The following RMND5A variants were observed in gnomAD, a reference collection of about 807,000 sequenced individuals.
RMND5A encodes the protein required for meiotic nuclear division 5 homolog A.
RMND5A carries 17 observed loss-of-function variants against 49.7 expected under a neutral mutation model. The ratio of observed to expected loss-of-function variants is 0.34; its 90% CI spans 0.23 to 0.51. The LOEUF (loss-of-function observed/expected upper bound fraction) is 0.51. Ranked by LOEUF, RMND5A falls within the 20% of genes least tolerant of loss-of-function variation. RMND5A has a pLI of 0.96. For synonymous variants in RMND5A, 156 were observed against 167.7 expected (o/e 0.93, Z 0.54); for missense variants, 255 against 471.3 (o/e 0.54, Z 4.25).
intron 1 of RMND5A, among the ~76,000 whole-genome samples, chr2:86,723,875 C>G (rs1331442568): frequency 6.7e-6 from 1 of 149,404 alleles, no homozygotes; most frequent in Admixed American, 6.7e-5. Context: ...CCTAAAATTT[C>G]TCAGGTGGTC....
chr2:86,749,478 C>T (rs2104395398), intron 2 of RMND5A, among the ~76,000 whole-genome samples: 1 of 152,036 alleles, frequency 6.6e-6, no homozygotes, highest in East Asian at 1.9e-4. Context: ...CAACCTCTGC[C>T]TCCCTGGGTT....
rs1228003357 is a variant in RMND5A at position 86,726,614 on chromosome 2, A to G, written c.142+5805A>G. On this transcript the variant is annotated intron_variant, in intron 1 of 8. Transcript: ENST00000283632. ...AGGCCATTTTAGGTGGTAAGAATAA[A>G]AAGTCAGTATATTGGTGTTTCCAGT... Among the ~76,000 whole-genome samples the G allele has an allele frequency of 6.5e-5, 5 of 76,608 alleles. 2 individuals are homozygous for G. The highest frequency in any genetic ancestry group is 1.3e-4 in the Non-Finnish European group (5 of 37,614). 50.3% of individuals were successfully genotyped at this position (76,608 alleles called of 152,430 possible). A position where few individuals can be genotyped will look rare whatever the true frequency, so the allele number is the denominator to read the frequency against.
In RMND5A at chr2:86,748,796, G is replaced by C. The variant is rs989277762; in HGVS notation, c.286-3100G>C. Among the ~76,000 whole-genome samples the C allele has an allele frequency of 1.3e-5, 2 of 152,110 alleles. 1 individual carries two copies. The highest frequency in any genetic ancestry group is 4.2e-4 in the South Asian group (2 of 4,818). Reference sequence around the variant, plus strand: ...ATTGTTTCAACATGATCTGTGCTTTGAGCTGACCAGCGTGTCTTCCAGCGT... The same window carrying C: ...ATTGTTTCAACATGATCTGTGCTTTCAGCTGACCAGCGTGTCTTCCAGCGT... On this transcript the variant is annotated intron_variant, in intron 2 of 8. Transcript: ENST00000283632.
intron 4 of RMND5A, among the ~76,000 whole-genome samples, chr2:86,758,159 GGCA>G (rs1681777891): frequency 1.2e-5 from 1 of 83,434 alleles, no homozygotes; most frequent in Non-Finnish European, 2.6e-5. Flanking sequence ...AAAATCAAAA[GGCA>G]CAACAAGATA....
At position 86,721,699 on chromosome 2, in the gene RMND5A, T is replaced by C. The variant is rs148311361; in HGVS notation, c.142+890T>C. On this transcript the variant is annotated intron_variant, in intron 1 of 8. Coordinates refer to ENST00000283632, the MANE Select transcript of RMND5A (RefSeq NM_022780.4). ...TTAGAAGTCACAGCGATGATTCCTTTTGATCAAGAAGTGAAGGACTTATTT... is the reference window on the plus strand; with the variant it reads ...TTAGAAGTCACAGCGATGATTCCTTCTGATCAAGAAGTGAAGGACTTATTT... 7.8e-3 allele frequency among the ~76,000 whole-genome samples: 1,183 copies of C among 151,848 alleles called. 43 individuals carry two copies. The highest frequency in any genetic ancestry group is 0.027 in the African/African-American group (1,108 of 41,188).
intron 8 of RMND5A, among the ~76,000 whole-genome samples, chr2:86,772,059 C>T (rs1431612116): frequency 6.6e-5 from 10 of 152,102 alleles, no homozygotes; most frequent in Admixed American, 6.5e-4. Flanking sequence ...AGAAACAGCC[C>T]TCATTATTTT....
intron 1 of RMND5A, among the ~76,000 whole-genome samples, chr2:86,734,415 G>A (rs1681381789): frequency 6.7e-6 from 1 of 148,782 alleles, no homozygotes; most frequent in Admixed American, 6.6e-5. Context: ...TAAATTCTAG[G>A]TGACCTCTTT....
intron 4 of RMND5A, among the ~76,000 whole-genome samples, chr2:86,756,518 A>C (rs1681742329): frequency 6.6e-6 from 1 of 152,174 alleles, no homozygotes; most frequent in South Asian, 2.1e-4. Flanking sequence ...CACATTTAAA[A>C]CCCATAAAAT....
At chr2:86,720,834 G>A in intron 1 of RMND5A, 25 bp downstream of exon 1, 2 of 1,559,174 alleles carry the variant, frequency 1.3e-6, no homozygotes, top group South Asian at 1.2e-5. Flanking sequence ...GTGGGCGCGC[G>A]GGGCATGGCC....
At chr2:86,753,390 T>A in intron 3 of RMND5A, 68 bp from the exon 4 acceptor site, 1 of 902,224 alleles carries the variant, frequency 1.1e-6, no homozygotes. Flanking sequence ...ATCTAGAATA[T>A]ACTTTTACCA....
intron 8 of RMND5A, among the ~76,000 whole-genome samples, chr2:86,772,894 G>GGCTGTACTGATCAACAA (rs1201664914): frequency 2.6e-5 from 4 of 152,122 alleles, no homozygotes. Context: ...GTTGATCTTA[G>GGCTGTACTGATCAACAA]TTCAGGCTGT....
At chr2:86,762,693 TATATATCATATATATCATATATATC>T (rs1358169675) in intron 4 of RMND5A, among the ~76,000 whole-genome samples, 11 of 5,534 alleles carry the variant, frequency 2.0e-3, no homozygotes, top group African/African-American at 4.1e-3. Context: ...ATATATATCA[TATATATCATATATATCATATATATC>T]ATATATATCA....
chr2:86,749,064 C>T (rs56704278), intron 2 of RMND5A, among the ~76,000 whole-genome samples: 2,293 of 152,296 alleles, frequency 0.015, 70 homozygotes, highest in African/African-American at 0.052. Flanking sequence ...GAAACCCATT[C>T]CTTTATGCAT....
chr2:86,732,608 C>T (rs1681351951), intron 1 of RMND5A, among the ~76,000 whole-genome samples: 2 of 149,576 alleles, frequency 1.3e-5, no homozygotes, highest in African/African-American at 2.6e-5. Context: ...TTTGTGCAAA[C>T]CAGTCACCCT....
intron 3 of RMND5A, among the ~76,000 whole-genome samples, chr2:86,752,845 A>G (rs1681659548): frequency 6.6e-6 from 1 of 152,238 alleles, no homozygotes; most frequent in Admixed American, 6.5e-5. Flanking sequence ...AGCCTTTTCT[A>G]TTTTAAACAA....
chr2:86,743,354 C>G (rs950223091), intron 2 of RMND5A, among the ~76,000 whole-genome samples: 37 of 148,086 alleles, frequency 2.5e-4, no homozygotes, highest in African/African-American at 8.7e-4. Flanking sequence ...ACTCATTGCT[C>G]TTTTGAGGAC....
At chr2:86,742,516 T>C (rs1210014427) in intron 2 of RMND5A, among the ~76,000 whole-genome samples, 1 of 146,222 alleles carries the variant, frequency 6.8e-6, no homozygotes, top group South Asian at 2.3e-4. Flanking sequence ...GTGTATGAGC[T>C]TAAGAACTGT....
chr2:86,769,591 GCTTT>G (rs1177932501), intron 6 of RMND5A, among the ~76,000 whole-genome samples: 2 of 151,736 alleles, frequency 1.3e-5, no homozygotes, highest in South Asian at 2.1e-4. Flanking sequence ...CTCCAAAGCT[GCTTT>G]CTTTTTTAAA....
At chr2:86,733,023 C>A (rs1681359925) in intron 1 of RMND5A, among the ~76,000 whole-genome samples, 1 of 69,230 alleles carries the variant, frequency 1.4e-5, no homozygotes, top group Non-Finnish European at 2.7e-5. Context: ...TATTGACAGA[C>A]AGGAACAGTA....
Sources: gnomAD v4.1 joint callset for allele counts (sites outside exome capture counted in the v4.1 genomes callset) on GRCh38, gnomAD v4.1.1 for gene constraint, MANE v1.5 for transcripts, NCBI Gene and HGNC (gene_info 2026-07-23, HGNC 2026-07-21) for gene names.